CASP9: variants seen among roughly 807,000 people sequenced by gnomAD.
CASP9 encodes caspase 9, also known as caspase-9.
CASP9 carries 29 observed loss-of-function variants against 43.5 expected under a neutral mutation model. The ratio of observed to expected loss-of-function variants is 0.67; its 90% confidence interval spans 0.50 to 0.91. The LOEUF (loss-of-function observed/expected upper bound fraction) is 0.91, where lower values mean the gene tolerates loss of function less well. CASP9 is among the 40% of genes least tolerant of loss of function. The pLI is 0.00. For synonymous variants in CASP9, 206 were observed against 211.9 expected (o/e 0.97, Z 0.24); for missense variants, 575 against 537.4 (o/e 1.07, Z -0.69).
intron 1 of CASP9, among the ~76,000 whole-genome samples, chr1:15,522,913 A>G (rs1048697234): frequency 6.6e-6 from 1 of 152,256 alleles, no homozygotes; most frequent in Non-Finnish European, 1.5e-5. Context: ...AGTAGGGGCC[A>G]CACAGAAGGC....
intron 5 of CASP9, among the ~76,000 whole-genome samples, chr1:15,505,677 C>T (rs572873065): frequency 2.0e-5 from 3 of 152,204 alleles, no homozygotes; most frequent in African/African-American, 7.2e-5. Flanking sequence ...GAGACAGGAG[C>T]TGAGACAACA....
chr1:15,506,460 C>G (rs888226587), intron 4 of CASP9, among the ~76,000 whole-genome samples: 2 of 150,616 alleles, frequency 1.3e-5, no homozygotes, highest in African/African-American at 4.9e-5. Context: ...TGTGCCCCCG[C>G]CCCCCCCAAA....
At position 15,505,999 on chromosome 1, in the gene CASP9, G is replaced by A. The variant is rs145320383; in HGVS notation, c.711C>T (p.His237=). ...LDCCVVVILS[H]GCQASHLQFP... ...GTGGGAGGCTTCCTACCTGACAGCCGTGAGAGAGAATGACCACCACGCAGC... is the reference window on the plus strand; with the variant it reads ...GTGGGAGGCTTCCTACCTGACAGCCATGAGAGAGAATGACCACCACGCAGC... Residue 237 remains histidine (H), a synonymous_variant, in exon 5 of 9, where the codon CAC becomes CAT. Transcript: ENST00000333868. 3,662 of 1,613,814 alleles carry A rather than the reference G, an allele frequency of 2.3e-3. 8 individuals are homozygous for A. Among genetic ancestry groups the A allele is most frequent in the Non-Finnish European group, 2.9e-3 (3,368 of 1,179,654 alleles).
At chr1:15,493,630 T>C (rs1708977077) in intron 8 of CASP9, 1 of 1,440,392 alleles carries the variant, frequency 6.9e-7, no homozygotes, top group Admixed American at 2.8e-5. Context: ...GCTCCATCAG[T>C]GGAGGAGCGG....
At chr1:15,522,385 T>C (rs1236264267) in intron 1 of CASP9, among the ~76,000 whole-genome samples, 1 of 152,250 alleles carries the variant, frequency 6.6e-6, no homozygotes, top group Non-Finnish European at 1.5e-5. Context: ...AGCCAGGGAA[T>C]TTGACAGAGG....
intron 6 of CASP9, among the ~76,000 whole-genome samples, chr1:15,501,896 C>T (rs1709346119): frequency 6.6e-6 from 1 of 152,122 alleles, no homozygotes; most frequent in South Asian, 2.1e-4. Context: ...CTAAACATCC[C>T]AAGTAGCTGG....
At chr1:15,504,473 A>T in intron 6 of CASP9, 138 bp downstream of exon 6, 1 of 831,018 alleles carries the variant, frequency 1.2e-6, no homozygotes, top group Non-Finnish European at 1.9e-6. Flanking sequence ...AGGTGCTGCC[A>T]AAAAGGGACC....
At chr1:15,503,216 G>A (rs1226112869) in intron 6 of CASP9, among the ~76,000 whole-genome samples, 1 of 151,930 alleles carries the variant, frequency 6.6e-6, no homozygotes, top group East Asian at 1.9e-4. Flanking sequence ...GCAAAACCCT[G>A]TCTCTACAAA....
chr1:15,523,719 T>G (rs531100300), intron 1 of CASP9, among the ~76,000 whole-genome samples: 4 of 152,366 alleles, frequency 2.6e-5, no homozygotes, highest in Admixed American at 2.6e-4. Context: ...AATTTCTTTA[T>G]TTTGCTTCCA....
intron 6 of CASP9, among the ~76,000 whole-genome samples, chr1:15,496,050 G>T (rs762538839): frequency 6.6e-6 from 1 of 152,114 alleles, no homozygotes; most frequent in Non-Finnish European, 1.5e-5. Flanking sequence ...CATGTTCAGA[G>T]AAAGGCATAG....
chr1:15,492,907 G>A lies in CASP9; in HGVS notation c.*36C>T, dbSNP rs775846757. The A allele has an allele frequency of 5.0e-6, 8 of 1,610,742 alleles. No homozygotes were observed. In the Admixed American group the frequency reaches 1.0e-4, roughly 20 times the overall value. ...TTCAGGCCTGGGGCAGGAAAGCTTTGGGGTGCAAGATAAGGCAGGGTGAGG... is the reference window on the plus strand; with the variant it reads ...TTCAGGCCTGGGGCAGGAAAGCTTTAGGGTGCAAGATAAGGCAGGGTGAGG... On this transcript the variant is annotated 3_prime_UTR_variant, in exon 9 of 9. Transcript: ENST00000333868.
chr1:15,523,668 T>TA (rs138545940), intron 1 of CASP9, among the ~76,000 whole-genome samples: 38,488 of 149,636 alleles, frequency 0.26, 5,328 homozygotes, highest in African/African-American at 0.35. Flanking sequence ...TAACAGACCT[T>TA]AAAAAAAAAA....
chr1:15,518,961 A>G (rs1206208095), intron 1 of CASP9, among the ~76,000 whole-genome samples: 1 of 151,642 alleles, frequency 6.6e-6, no homozygotes, highest in Non-Finnish European at 1.5e-5. Flanking sequence ...TGCAACCTCC[A>G]ACTCCAAGGT....
intron 6 of CASP9, among the ~76,000 whole-genome samples, chr1:15,499,915 T>C (rs1183905846): frequency 1.3e-5 from 2 of 152,136 alleles, no homozygotes; most frequent in Non-Finnish European, 2.9e-5. Context: ...AAATCTAGAC[T>C]CCCCAAAGGC....
At chr1:15,503,946 T>G (rs148128873) in intron 6 of CASP9, among the ~76,000 whole-genome samples, 14 of 152,106 alleles carry the variant, frequency 9.2e-5, no homozygotes, top group Non-Finnish European at 1.9e-4. Flanking sequence ...CAGATAACAC[T>G]GTAATAGGAG....
intron 2 of CASP9, among the ~76,000 whole-genome samples, chr1:15,509,402 G>A (rs1010735087): frequency 6.7e-6 from 1 of 149,624 alleles, no homozygotes; most frequent in African/African-American, 2.5e-5. Flanking sequence ...ATCACCTGAG[G>A]TCAGGAGTTC....
In CASP9 at chr1:15,492,807, A is replaced by G; in HGVS notation, c.*136T>C. 1 of 1,212,044 alleles carries G rather than the reference A, an allele frequency of 8.3e-7. No individual in the cohort carries two copies. Among genetic ancestry groups the G allele is most frequent in the Non-Finnish European group, 1.2e-6 (1 of 869,138 alleles). 75.1% of individuals were successfully genotyped at this position (1,212,044 alleles called of 1,614,324 possible). A position where few individuals can be genotyped will look rare whatever the true frequency, so the allele number is the denominator to read the frequency against. On this transcript the variant is annotated 3_prime_UTR_variant, in exon 9 of 9. Coordinates refer to ENST00000333868, the MANE Select transcript of CASP9 (RefSeq NM_001229.5). The stretch of plus-strand genomic sequence containing the variant: ...GGAAGCTGCTAAGAGCCTGTCTGTC[A>G]CTGGCAGAGAAAGAGCAGACCCTGT...
intron 7 of CASP9, 128 bp downstream of exon 7, chr1:15,495,145 A>G: frequency 1.2e-6 from 1 of 846,658 alleles, no homozygotes; most frequent in Non-Finnish European, 1.8e-6. Context: ...TAACTTGCTC[A>G]GGGTCACAGA....
chr1:15,523,933 C>A, intron 1 of CASP9, 136 bp downstream of exon 1: 1 of 618,482 alleles, frequency 1.6e-6, no homozygotes, highest in Non-Finnish European at 2.7e-6. Flanking sequence ...GAACACCCGA[C>A]TAAGAGGTGT....
Sources: gnomAD v4.1 joint callset for allele counts (sites outside exome capture counted in the v4.1 genomes callset) on GRCh38, gnomAD v4.1.1 for gene constraint, MANE v1.5 for transcripts, NCBI Gene and HGNC (gene_info 2026-07-23, HGNC 2026-07-21) for gene names.